The following BAAT variants were observed in gnomAD, a reference collection of about 807,000 sequenced individuals.
The protein encoded by BAAT is bile acid-CoA:amino acid N-acyltransferase.
Under a neutral mutation model 18.9 loss-of-function variants are expected in BAAT, and 13 were observed. The observed-to-expected ratio is 0.69, with a 90% CI of 0.45 to 1.10. The LOEUF (loss-of-function observed/expected upper bound fraction) is 1.10. BAAT is among the 50% of genes least tolerant of loss of function. The pLI is 0.00. For missense variants in BAAT, 489 were observed against 504.0 expected (o/e 0.97, Z 0.28); for synonymous variants, 170 against 190.7 (o/e 0.89, Z 0.89).
chr9:101,362,100 T>G lies in BAAT; in HGVS notation c.*328A>C. 1 of 398,844 alleles carries G rather than the reference T, an allele frequency of 2.5e-6. No individual in the cohort carries two copies. Among genetic ancestry groups the G allele is most frequent in the East Asian group, 5.2e-5 (1 of 19,048 alleles). 24.7% of individuals were successfully genotyped at this position (398,844 alleles called of 1,614,324 possible). A position where few individuals can be genotyped will look rare whatever the true frequency, so the allele number is the denominator to read the frequency against. On this transcript the variant is annotated 3_prime_UTR_variant, in exon 4 of 4. Coordinates refer to ENST00000259407, the MANE Select transcript of BAAT (RefSeq NM_001701.4). ...CTGACATGGTATTTGGTTTTATATCTGTTACTTTGGTGCTATTCTTGTTTG... is the reference window on the plus strand; with the variant it reads ...CTGACATGGTATTTGGTTTTATATCGGTTACTTTGGTGCTATTCTTGTTTG...
chr9:101,362,514 G>A lies in BAAT; in HGVS notation c.1171C>T (p.His391Tyr). ...RLHWGGEVIP[H>Y]AAAQEHAWKE... ...CAAGCATGTTCCTGTGCAGCTGCGT[G>A]TGGGATCACCTCTCCTCCCCAGTGT... Residue 391 changes from histidine to tyrosine, a missense_variant, in exon 4 of 4, where the codon CAC becomes TAC. By Grantham distance (83) the His-to-Tyr change is moderately conservative (BLOSUM62 2). Coordinates refer to ENST00000259407, the MANE Select transcript of BAAT (RefSeq NM_001701.4). 1 of 1,614,136 alleles carries A rather than the reference G, an allele frequency of 6.2e-7. No homozygotes were observed. The highest frequency in any genetic ancestry group is 1.1e-5 in the South Asian group (1 of 91,076).
At chr9:101,363,235 T>C (rs1829768873) in intron 3 of BAAT, among the ~76,000 whole-genome samples, 1 of 152,184 alleles carries the variant, frequency 6.6e-6, no homozygotes, top group Non-Finnish European at 1.5e-5. Flanking sequence ...GGATTCAGTA[T>C]TGTGTTAGGT....
chr9:101,367,736 T>A (rs145481196), intron 3 of BAAT, among the ~76,000 whole-genome samples: 2 of 152,162 alleles, frequency 1.3e-5, no homozygotes, highest in African/African-American at 4.8e-5. Context: ...TCCTCCCATC[T>A]TGGCCTCCCA....
Position 101,362,646 on chromosome 9 carries a change from G to A in BAAT, c.1039C>T (p.His347Tyr), listed in dbSNP as rs1487919718. 3.1e-6 allele frequency: 5 copies of A among 1,614,064 alleles called. No homozygotes were observed. The East Asian group carries it at 6.7e-5, about 22-fold the overall frequency. ...AEQAIGQLKR[H>Y]GKNNWTLLSY... ...AGCAGGGTCCAGTTGTTCTTCCCAT[G>A]TCTCTTCAGCTGTCCTATGGCTTGT... Residue 347 changes from histidine to tyrosine, a missense_variant, in exon 4 of 4, where the codon CAT (histidine) becomes TAT (tyrosine). Coordinates refer to ENST00000259407, the MANE Select transcript of BAAT (RefSeq NM_001701.4).
At position 101,361,378 on chromosome 9, in the gene BAAT, A is replaced by G. The variant is rs554642026; in HGVS notation, c.*1050T>C. ...ATGTTGCTATGAGGACTATATGATC[A>G]AAGCCTTATAGCAAAAAAAATTTTT... On this transcript the variant is annotated 3_prime_UTR_variant, in exon 4 of 4. Coordinates refer to ENST00000259407, the MANE Select transcript of BAAT (RefSeq NM_001701.4). The G allele has an allele frequency of 3.9e-5, 6 of 152,756 alleles. No homozygotes were observed. The East Asian group carries it at 1.2e-3, about 29-fold the overall frequency. The allele number at this position is 152,756 out of a possible 1,614,324, so 9.5% of individuals were successfully genotyped here.
Position 101,361,618 on chromosome 9 carries a change from T to A in BAAT, c.*810A>T, listed in dbSNP as rs1215533365. ...GAAATTCATTATGGAAGTACAGTGATAGTTGACCCAATCACTCAGTTTATC... is the reference window on the plus strand; with the variant it reads ...GAAATTCATTATGGAAGTACAGTGAAAGTTGACCCAATCACTCAGTTTATC... On this transcript the variant is annotated 3_prime_UTR_variant, in exon 4 of 4. Coordinates refer to ENST00000259407, the MANE Select transcript of BAAT (RefSeq NM_001701.4). 1 of 152,748 alleles carries A rather than the reference T, an allele frequency of 6.5e-6. No individual in the cohort carries two copies. The highest frequency in any genetic ancestry group is 2.4e-5 in the African/African-American group (1 of 41,476). 9.5% of individuals were successfully genotyped at this position (152,748 alleles called of 1,614,324 possible). A position where few individuals can be genotyped will look rare whatever the true frequency, so the allele number is the denominator to read the frequency against.
rs191775061 is a variant in BAAT, at chr9:101,366,731, T to A, written c.669+1389A>T. Among the ~76,000 whole-genome samples the A allele has an allele frequency of 5.3e-5, 8 of 152,260 alleles. No individual in the cohort carries two copies. In the East Asian group the frequency reaches 1.5e-3, roughly 29 times the overall value. ...ATGCATCAAAAATAGCCATTTAAAA[T>A]GTTCACTACATCAGTAGATTGTCAG... On this transcript the variant is annotated intron_variant, in intron 3 of 3. Transcript: ENST00000259407.
intron 2 of BAAT, 138 bp downstream of exon 2, chr9:101,370,800 GA>G (rs770123718): frequency 1.3e-5 from 12 of 949,788 alleles, no homozygotes; most frequent in Non-Finnish European, 1.8e-5. Flanking sequence ...TTTCTGGAGG[GA>G]TAATGCATTT....
intron 1 of BAAT, among the ~76,000 whole-genome samples, chr9:101,374,885 T>C (rs1588143488): frequency 6.6e-6 from 1 of 152,264 alleles, no homozygotes; most frequent in South Asian, 2.1e-4. Context: ...GCCTTGTGAA[T>C]GTTTTGAAGC....
chr9:101,381,490 T>A (rs183557966), intron 1 of BAAT, among the ~76,000 whole-genome samples: 41 of 152,152 alleles, frequency 2.7e-4, no homozygotes, highest in Admixed American at 6.5e-4. Context: ...TGCCACTGGG[T>A]GAAAGAGCTG....
At position 101,360,918 on chromosome 9, in the gene BAAT, TGGAGAA is replaced by T. The variant is rs929652235; in HGVS notation, c.*1504_*1509del. On this transcript the variant is annotated 3_prime_UTR_variant, in exon 4 of 4. Coordinates refer to ENST00000259407, the MANE Select transcript of BAAT (RefSeq NM_001701.4). ...TCATTTAGCTGTGACTTTTTACACT[TGGAGAA>T]AACATGTAAGAAAACATTTCTTGGT... The T allele has an allele frequency of 6.4e-6, 1 of 157,208 alleles. No individual in the cohort carries two copies. The highest frequency in any genetic ancestry group is 2.4e-5 in the African/African-American group (1 of 41,556). 9.7% of individuals were successfully genotyped at this position (157,208 alleles called of 1,614,324 possible).
intron 1 of BAAT, among the ~76,000 whole-genome samples, chr9:101,374,947 C>T (rs568897943): frequency 5.9e-5 from 9 of 152,248 alleles, no homozygotes; most frequent in East Asian, 1.9e-4. Context: ...AATTTTTCAG[C>T]GTCATCACTC....
chr9:101,362,665 G>A lies in BAAT; in HGVS notation c.1020C>T (p.Ala340=). Residue 340 remains alanine (A), a synonymous_variant, in exon 4 of 4, where the codon GCC becomes GCT. Transcript: ENST00000259407. ...TINSKAHAEQ[A]IGQLKRHGKN... ...TCCCATGTCTCTTCAGCTGTCCTAT[G>A]GCTTGTTCAGCGTGTGCTTTGCTGT... 2 of 1,614,112 alleles carry A rather than the reference G, an allele frequency of 1.2e-6. No individual in the cohort carries two copies. The highest frequency in any genetic ancestry group is 2.2e-5 in the South Asian group (2 of 91,084).
At chr9:101,367,598 C>T (rs921812297) in intron 3 of BAAT, among the ~76,000 whole-genome samples, 9 of 151,856 alleles carry the variant, frequency 5.9e-5, no homozygotes, top group Admixed American at 6.6e-5. Context: ...GATCTTTCCT[C>T]CTCAGCCCCT....
rs887907692 is a variant in BAAT, at chr9:101,361,685, A to G, written c.*743T>C. 1 of 152,622 alleles carries G rather than the reference A, an allele frequency of 6.6e-6. No homozygotes were observed. The highest frequency in any genetic ancestry group is 6.5e-5 in the Admixed American group (1 of 15,280). The allele number at this position is 152,622 out of a possible 1,614,324, so 9.5% of individuals were successfully genotyped here. On this transcript the variant is annotated 3_prime_UTR_variant, in exon 4 of 4. Coordinates refer to ENST00000259407, the MANE Select transcript of BAAT (RefSeq NM_001701.4). ...CCTGTACTAGTAGAGTTGTGTTTCT[A>G]TTTTTATTTTTTACTTTTATTAATT...
intron 1 of BAAT, among the ~76,000 whole-genome samples, chr9:101,378,180 C>T (rs1285839590): frequency 6.6e-6 from 1 of 151,890 alleles, no homozygotes; most frequent in Non-Finnish European, 1.5e-5. Flanking sequence ...CCATACTGCC[C>T]AAAGTAATTT....
At position 101,371,247 on chromosome 9, in the gene BAAT, T is replaced by A; in HGVS notation, c.158A>T (p.Asn53Ile). 6.2e-7 allele frequency: 1 copy of A among 1,613,200 alleles called. No individual in the cohort carries two copies. The highest frequency in any genetic ancestry group is 1.1e-5 in the South Asian group (1 of 91,072). ...MFYSQAHYRA[N>I]EFGEVDLNHA... is the part of the protein sequence containing the mutation. ...ATTCAGGTCCACCTCACCGAATTCA[T>A]TGGCCCTATAGTGGGCTTGAGAATA... Residue 53 changes from asparagine (N) to isoleucine (I), a missense_variant, in exon 2 of 4, where the codon AAT becomes ATT. Transcript: ENST00000259407.
intron 1 of BAAT, among the ~76,000 whole-genome samples, chr9:101,371,821 G>A (rs1378773030): frequency 2.6e-5 from 4 of 152,006 alleles, no homozygotes; most frequent in Non-Finnish European, 5.9e-5. Flanking sequence ...TTGAAAATAT[G>A]GTTATTTATT....
intron 1 of BAAT, among the ~76,000 whole-genome samples, chr9:101,379,012 A>C (rs372121684): frequency 6.6e-6 from 1 of 152,260 alleles, no homozygotes; most frequent in East Asian, 1.9e-4. Flanking sequence ...AGAGAAATGC[A>C]AATCAAAACC....
Sources: allele counts gnomAD v4.1 joint callset (sites outside exome capture counted in the v4.1 genomes callset), GRCh38; gene constraint gnomAD v4.1.1; transcripts MANE v1.5; gene names NCBI Gene and HGNC (gene_info 2026-07-23, HGNC 2026-07-21).